The following GATAD2B variants were observed in gnomAD, a reference collection of about 807,000 sequenced individuals.
The protein encoded by GATAD2B is GATA zinc finger domain containing 2B, also known as transcriptional repressor p66-beta.
Under a neutral mutation model 64.3 loss-of-function variants are expected in GATAD2B, and 8 were observed. The ratio of observed to expected loss-of-function variants is 0.12; its 90% CI spans 0.07 to 0.22. GATAD2B has a LOEUF of 0.22. GATAD2B is among the 10% of genes least tolerant of loss of function. GATAD2B has a pLI of 1.00. For synonymous variants in GATAD2B, 281 were observed against 271.3 expected, an observed-to-expected ratio of 1.04 and a Z score of -0.35; for missense variants, 453 against 752.0, an observed-to-expected ratio of 0.60 and a Z score of 4.65.
intron 1 of GATAD2B, among the ~76,000 whole-genome samples, chr1:153,850,220 T>A (rs1335537840): frequency 6.6e-6 from 1 of 152,196 alleles, no homozygotes; most frequent in African/African-American, 2.4e-5. Flanking sequence ...TGAATAATTT[T>A]TTTATATTCA....
At chr1:153,862,475 C>T (rs1256233489) in intron 1 of GATAD2B, among the ~76,000 whole-genome samples, 1 of 151,956 alleles carries the variant, frequency 6.6e-6, no homozygotes, top group African/African-American at 2.4e-5. Context: ...TAAAGATGAG[C>T]AAAGCAGTAA....
At chr1:153,873,054 G>T (rs988427561) in intron 1 of GATAD2B, among the ~76,000 whole-genome samples, 3 of 151,884 alleles carry the variant, frequency 2.0e-5, no homozygotes, top group Non-Finnish European at 2.9e-5. Flanking sequence ...ATTGCTCAGG[G>T]TTACCCTAAC....
At chr1:153,892,163 C>CAAAA (rs900308080) in intron 1 of GATAD2B, among the ~76,000 whole-genome samples, 16 of 50,222 alleles carry the variant, frequency 3.2e-4, no homozygotes, top group Non-Finnish European at 4.4e-4. Flanking sequence ...GACTCCGTCT[C>CAAAA]AAAAAAAAAA....
chr1:153,879,267 G>A (rs947093969), intron 1 of GATAD2B, among the ~76,000 whole-genome samples: 1 of 151,460 alleles, frequency 6.6e-6, no homozygotes, highest in Non-Finnish European at 1.5e-5. Context: ...TAGAGATAGG[G>A]TTTCACCTTG....
chr1:153,901,424 G>A (rs1443865515), intron 1 of GATAD2B, among the ~76,000 whole-genome samples: 3 of 152,056 alleles, frequency 2.0e-5, no homozygotes, highest in African/African-American at 4.8e-5. Context: ...AGAGTGATGC[G>A]TAGAGGGGAA....
chr1:153,810,517 G>A (rs1047305578), intron 10 of GATAD2B, among the ~76,000 whole-genome samples: 1 of 152,150 alleles, frequency 6.6e-6, no homozygotes, highest in Non-Finnish European at 1.5e-5. Context: ...CTGGAGTGCA[G>A]TGGTGTGATC....
chr1:153,887,063 A>T (rs1047845703), intron 1 of GATAD2B, among the ~76,000 whole-genome samples: 5 of 152,148 alleles, frequency 3.3e-5, no homozygotes, highest in African/African-American at 1.2e-4. Context: ...ATGCTTCAAA[A>T]TTACTATTAC....
intron 1 of GATAD2B, among the ~76,000 whole-genome samples, chr1:153,921,298 G>A (rs1678421551): frequency 6.6e-6 from 1 of 152,202 alleles, no homozygotes; most frequent in Admixed American, 6.5e-5. Context: ...AAGGAGACTA[G>A]ATGGCTGGAG....
rs147339693 is a variant in GATAD2B, at chr1:153,820,589, T to C, written c.336-854A>G. Among the ~76,000 whole-genome samples the C allele has an allele frequency of 1.4e-4, 21 of 152,300 alleles. No individual in the cohort carries two copies. In the East Asian group the frequency reaches 1.9e-3, roughly 14 times the overall value. ...CCTACTTTCCTTGAGATTGTCAGCGTAGTTGGTAGTATATAGGTCGAGGGC... is the reference window on the plus strand; with the variant it reads ...CCTACTTTCCTTGAGATTGTCAGCGCAGTTGGTAGTATATAGGTCGAGGGC... On this transcript the variant is annotated intron_variant, in intron 2 of 10. Coordinates refer to ENST00000368655, the MANE Select transcript of GATAD2B (RefSeq NM_020699.4).
chr1:153,903,213 A>G (rs11264567), intron 1 of GATAD2B, among the ~76,000 whole-genome samples: 40,985 of 151,056 alleles, frequency 0.27, 6,090 homozygotes, highest in Admixed American at 0.38. Context: ...GCGAGACTCC[A>G]TCTCAAAAAA....
At position 153,872,258 on chromosome 1, in the gene GATAD2B, G is replaced by A. The variant is rs558713441; in HGVS notation, c.-1-43910C>T. On this transcript the variant is annotated intron_variant, in intron 1 of 10. Coordinates refer to ENST00000368655, the MANE Select transcript of GATAD2B (RefSeq NM_020699.4). ...CACTTGAACCCGGGAGGCAGAGGTT[G>A]CAGTGAGCTGAGATCCCGCCTCTGC... 5.4e-5 allele frequency among the ~76,000 whole-genome samples: 8 copies of A among 147,720 alleles called. No individual in the cohort carries two copies. In the South Asian group the frequency reaches 1.5e-3, roughly 28 times the overall value.
chr1:153,894,563 T>C (rs1461003269), intron 1 of GATAD2B, among the ~76,000 whole-genome samples: 1 of 148,222 alleles, frequency 6.7e-6, no homozygotes, highest in African/African-American at 2.5e-5. Context: ...ATACCTCAGT[T>C]AAAAAAAAAA....
intron 1 of GATAD2B, among the ~76,000 whole-genome samples, chr1:153,848,569 T>C (rs1276387804): frequency 6.6e-6 from 1 of 152,208 alleles, no homozygotes; most frequent in African/African-American, 2.4e-5. Flanking sequence ...AAATAGCATT[T>C]ATATACTAAT....
intron 1 of GATAD2B, among the ~76,000 whole-genome samples, chr1:153,897,627 A>G (rs148248952): frequency 0.022 from 3,280 of 152,262 alleles, 52 homozygotes; most frequent in Non-Finnish European, 0.034. Context: ...ATATTGCTCT[A>G]AAGTGTAAGT....
intron 1 of GATAD2B, among the ~76,000 whole-genome samples, chr1:153,865,059 C>T (rs1251569292): frequency 1.3e-5 from 2 of 148,222 alleles, no homozygotes; most frequent in South Asian, 4.3e-4. Context: ...GACAGAGAGA[C>T]ACTCCATTTC....
chr1:153,817,246 C>T (rs1338830251), intron 6 of GATAD2B, 126 bp downstream of exon 6: 66 of 891,964 alleles, frequency 7.4e-5, no homozygotes, highest in Non-Finnish European at 6.6e-5. Context: ...TAAATCCCTA[C>T]CAAAATAACC....
intron 2 of GATAD2B, among the ~76,000 whole-genome samples, chr1:153,824,456 A>T (rs1674799065): frequency 6.6e-6 from 1 of 151,800 alleles, no homozygotes; most frequent in African/African-American, 2.4e-5. Context: ...GCGAAACCCC[A>T]TCTCTACTAA....
chr1:153,848,861 G>C (rs1675781261), intron 1 of GATAD2B, among the ~76,000 whole-genome samples: 1 of 152,180 alleles, frequency 6.6e-6, no homozygotes, highest in Admixed American at 6.6e-5. Flanking sequence ...GGCTGAGGCA[G>C]AGAACTGCTT....
At chr1:153,841,245 G>A (rs549019101) in intron 1 of GATAD2B, among the ~76,000 whole-genome samples, 1 of 151,902 alleles carries the variant, frequency 6.6e-6, no homozygotes, top group African/African-American at 2.4e-5. Context: ...CATATCACCA[G>A]CAGGATATCA....
Sources: gnomAD v4.1 joint callset for allele counts (sites outside exome capture counted in the v4.1 genomes callset) on GRCh38, gnomAD v4.1.1 for gene constraint, MANE v1.5 for transcripts, NCBI Gene and HGNC (gene_info 2026-07-23, HGNC 2026-07-21) for gene names.